BICDL1: variants seen among roughly 807,000 people sequenced by gnomAD.
The protein encoded by BICDL1 is BICD family like cargo adaptor 1.
Under a neutral mutation model 76.8 loss-of-function variants are expected in BICDL1, and 20 were observed. The observed-to-expected ratio is 0.26, with a 90% CI of 0.18 to 0.38. The LOEUF is 0.38. Among genes scored for constraint, BICDL1 ranks in the 10% least tolerant of loss-of-function variants. The probability of loss-of-function intolerance (pLI) is 1.00; values close to 1 mark genes in which losing one functional copy is unlikely to be tolerated. For missense variants in BICDL1, 700 were observed against 798.6 expected (o/e 0.88, Z 1.49); for synonymous variants, 383 against 337.1 (o/e 1.14, Z -1.49).
At position 120,092,865 on chromosome 12, in the gene BICDL1, G is replaced by A. The variant is rs1220733777; in HGVS notation, c.1705-135G>A. The stretch of plus-strand genomic sequence containing the variant: ...CCACGCTCACCGCTTTCTTGGTCAG[G>A]GCAGTCCCGGCTGCAGCCTCTCACT... On this transcript the variant is annotated intron_variant, in intron 9 of 9. Coordinates refer to ENST00000548673, the MANE Select transcript of BICDL1 (RefSeq NM_001367886.1). The A allele has an allele frequency of 3.5e-6, 5 of 1,439,822 alleles. No individual in the cohort carries two copies. In the East Asian group the frequency reaches 1.0e-4, roughly 30 times the overall value. 89.2% of individuals were successfully genotyped at this position (1,439,822 alleles called of 1,614,324 possible).
chr12:120,004,194 C>T (rs1410165694), intron 2 of BICDL1, among the ~76,000 whole-genome samples: 1 of 152,108 alleles, frequency 6.6e-6, no homozygotes, highest in Non-Finnish European at 1.5e-5. Context: ...AGGTATTGTG[C>T]TATATTCTTT....
rs1243738795 is a variant in BICDL1 at position 120,093,955 on chromosome 12, TCC to T, written c.*796_*797del. The T allele has an allele frequency of 3.1e-6, 1 of 327,464 alleles. No homozygotes were observed. Among genetic ancestry groups the T allele is most frequent in the African/African-American group, 2.2e-5 (1 of 46,286 alleles). The allele number at this position is 327,464 out of a possible 1,614,324, so 20.3% of individuals were successfully genotyped here. On this transcript the variant is annotated 3_prime_UTR_variant, in exon 10 of 10. Coordinates refer to ENST00000548673, the MANE Select transcript of BICDL1 (RefSeq NM_001367886.1). Reference sequence around the variant, plus strand: ...GCTGGGGTTGGACGGGGTCTCCTCCTCCCACAGCTCCCTCCTCCACCCCTCAC... The same window carrying T: ...GCTGGGGTTGGACGGGGTCTCCTCCTCACAGCTCCCTCCTCCACCCCTCAC...
At chr12:120,067,947 G>A (rs1332711974) in intron 4 of BICDL1, among the ~76,000 whole-genome samples, 2 of 152,314 alleles carry the variant, frequency 1.3e-5, no homozygotes, top group East Asian at 1.9e-4. Flanking sequence ...CCAGAACTAC[G>A]CAGAGCAGGC....
chr12:120,051,063 G>C (rs557401391), intron 2 of BICDL1, among the ~76,000 whole-genome samples: 3 of 149,776 alleles, frequency 2.0e-5, no homozygotes, highest in African/African-American at 7.4e-5. Flanking sequence ...ACAGAGTCTT[G>C]CTCTGTCGCC....
In BICDL1 at chr12:120,055,411, C is replaced by T. The variant is rs184426337; in HGVS notation, c.646-6299C>T. Among the ~76,000 whole-genome samples the T allele has an allele frequency of 2.6e-3, 389 of 152,164 alleles. 1 individual carries two copies. The highest frequency in any genetic ancestry group is 9.1e-3 in the African/African-American group (378 of 41,512). On this transcript the variant is annotated intron_variant, in intron 2 of 9. Coordinates refer to ENST00000548673, the MANE Select transcript of BICDL1 (RefSeq NM_001367886.1). ...ATGTTCATATGTTATTAATCATGTC[C>T]ACAAGCAAAGTAATGATGAAACAGC...
intron 2 of BICDL1, among the ~76,000 whole-genome samples, chr12:120,040,751 C>CTTTTTTTTTTT (rs57089775): frequency 3.6e-4 from 48 of 134,298 alleles, no homozygotes; most frequent in African/African-American, 1.1e-3. Flanking sequence ...ATAGGAAATA[C>CTTTTTTTTTTT]TTTTTTTTTT....
intron 2 of BICDL1, chr12:120,000,619 A>G (rs886329667): frequency 1.3e-5 from 2 of 152,200 alleles, no homozygotes; most frequent in Non-Finnish European, 2.9e-5. Flanking sequence ...CTTGGGGGCT[A>G]AGTTCATGTT....
chr12:120,034,851 G>T (rs371787762), intron 2 of BICDL1, among the ~76,000 whole-genome samples: 2 of 152,286 alleles, frequency 1.3e-5, no homozygotes, highest in East Asian at 3.9e-4. Flanking sequence ...CCTCCTCAAG[G>T]CCAGCAGCAG....
intron 1 of BICDL1, among the ~76,000 whole-genome samples, chr12:119,994,447 C>T (rs1951593932): frequency 6.7e-6 from 1 of 150,296 alleles, no homozygotes; most frequent in Non-Finnish European, 1.5e-5. Context: ...TTTATGTAAA[C>T]TAATGATCTT....
chr12:120,074,666 C>T, intron 7 of BICDL1, 80 bp downstream of exon 7: 1 of 980,952 alleles, frequency 1.0e-6, no homozygotes, highest in African/African-American at 1.7e-5. Context: ...GAGTTTCTCT[C>T]TCCCATTTCT....
intron 2 of BICDL1, among the ~76,000 whole-genome samples, chr12:120,025,703 A>G (rs775033151): frequency 5.3e-5 from 8 of 152,240 alleles, no homozygotes; most frequent in Non-Finnish European, 8.8e-5. Flanking sequence ...TTTTCAAAAT[A>G]AGGTGTAGTA....
chr12:120,093,430 T>C lies in BICDL1; in HGVS notation c.*269T>C. 1 of 471,994 alleles carries C rather than the reference T, an allele frequency of 2.1e-6. No individual in the cohort carries two copies. Among genetic ancestry groups the C allele is most frequent in the Non-Finnish European group, 3.9e-6 (1 of 259,566 alleles). 29.2% of individuals were successfully genotyped at this position (471,994 alleles called of 1,614,324 possible). A position where few individuals can be genotyped will look rare whatever the true frequency, so the allele number is the denominator to read the frequency against. On this transcript the variant is annotated 3_prime_UTR_variant, in exon 10 of 10. Transcript: ENST00000548673. ...TCCAGGACCACGTGCTTGAGCAGGG[T>C]TAGGCCACCTCCCAGAGGGGCCCCT...
intron 2 of BICDL1, among the ~76,000 whole-genome samples, chr12:120,014,262 C>G (rs991342841): frequency 2.0e-5 from 3 of 152,234 alleles, no homozygotes; most frequent in African/African-American, 7.2e-5. Context: ...CCAGTTACTT[C>G]AAGTCAACTC....
intron 2 of BICDL1, among the ~76,000 whole-genome samples, chr12:120,015,835 G>A (rs1207887452): frequency 5.3e-5 from 8 of 152,156 alleles, no homozygotes; most frequent in Non-Finnish European, 8.8e-5. Context: ...CAGTCTTTCA[G>A]TGTAAGGAAC....
At chr12:120,028,400 C>T (rs1440605856) in intron 2 of BICDL1, among the ~76,000 whole-genome samples, 2 of 151,602 alleles carry the variant, frequency 1.3e-5, no homozygotes, top group Non-Finnish European at 2.9e-5. Context: ...ATTGGCTGGG[C>T]GTGGTGGCTC....
chr12:119,991,161 G>A (rs1053909845), intron 1 of BICDL1, among the ~76,000 whole-genome samples: 2 of 152,170 alleles, frequency 1.3e-5, no homozygotes, highest in African/African-American at 4.8e-5. Flanking sequence ...AGGGGCAGGG[G>A]GATGGGGAGA....
chr12:120,039,520 C>T (rs904736114), intron 2 of BICDL1, among the ~76,000 whole-genome samples: 1 of 150,316 alleles, frequency 6.7e-6, no homozygotes, highest in African/African-American at 2.5e-5. Flanking sequence ...TGCCGGTAAT[C>T]CCAGCTACTC....
intron 9 of BICDL1, 75 bp downstream of exon 9, chr12:120,090,146 G>T (rs1203988062): frequency 1.3e-6 from 2 of 1,563,028 alleles, no homozygotes; most frequent in African/African-American, 2.7e-5. Flanking sequence ...AGTGTAAGGA[G>T]AGTTTGCCAC....
At chr12:119,993,523 AT>A (rs376423813) in intron 1 of BICDL1, 1 of 152,236 alleles carries the variant, frequency 6.6e-6, no homozygotes, top group African/African-American at 2.4e-5. Flanking sequence ...ATTCAGGTTA[AT>A]TGGAAAAACT....
Sources: gnomAD v4.1 joint callset for allele counts (sites outside exome capture counted in the v4.1 genomes callset) on GRCh38, gnomAD v4.1.1 for gene constraint, MANE v1.5 for transcripts, NCBI Gene and HGNC (gene_info 2026-07-23, HGNC 2026-07-21) for gene names.